The following TRAPPC8 variants were observed in gnomAD, a reference collection of about 807,000 sequenced individuals.
The protein encoded by TRAPPC8 is general sporulation gene 1 homolog.
Under a neutral mutation model 174.3 loss-of-function variants are expected in TRAPPC8, and 54 were observed. That is an observed-to-expected ratio of 0.31 (90% CI 0.25 to 0.39). The LOEUF is 0.39. Among genes scored for constraint, TRAPPC8 ranks in the 10% least tolerant of loss-of-function variants. The probability of loss-of-function intolerance (pLI) is 1.00; values close to 1 mark genes in which losing one functional copy is unlikely to be tolerated. For missense variants in TRAPPC8, 1,531 were observed against 1,699.1 expected (o/e 0.90, Z 1.74); for synonymous variants, 630 against 579.9 (o/e 1.09, Z -1.24).
chr18:31,905,187 A>C (rs1257436177), intron 9 of TRAPPC8, among the ~76,000 whole-genome samples: 1 of 152,192 alleles, frequency 6.6e-6, no homozygotes, highest in African/African-American at 2.4e-5. Context: ...TATCTTATCA[A>C]TTAGTTAACA....
chr18:31,928,741 A>C (rs1039744303), intron 2 of TRAPPC8, among the ~76,000 whole-genome samples: 1 of 152,212 alleles, frequency 6.6e-6, no homozygotes, highest in Admixed American at 6.5e-5. Context: ...ACCAGATTAT[A>C]AACTTTAAAG....
chr18:31,858,164 G>A (rs1045697456), intron 19 of TRAPPC8, among the ~76,000 whole-genome samples, 182 bp from the exon 20 acceptor site: 2 of 151,778 alleles, frequency 1.3e-5, no homozygotes, highest in African/African-American at 4.8e-5. Context: ...TGATGAGACA[G>A]AAGAATGTTA....
chr18:31,898,891 T>C (rs1003379468), intron 10 of TRAPPC8, among the ~76,000 whole-genome samples: 12 of 152,218 alleles, frequency 7.9e-5, no homozygotes, highest in African/African-American at 2.7e-4. Context: ...GAATCAAAAA[T>C]ATCACTTGGC....
chr18:31,915,604 T>C (rs1048590814), intron 4 of TRAPPC8, among the ~76,000 whole-genome samples: 1 of 148,322 alleles, frequency 6.7e-6, no homozygotes, highest in African/African-American at 2.5e-5. Context: ...CTACTAAAAA[T>C]ACAAAAATGA....
At chr18:31,899,672 C>T (rs778952761) in intron 10 of TRAPPC8, among the ~76,000 whole-genome samples, 2 of 152,132 alleles carry the variant, frequency 1.3e-5, no homozygotes, top group South Asian at 2.1e-4. Context: ...ATGGGCCTGG[C>T]GCGGTGGCTC....
chr18:31,931,909 G>C (rs1233949158), intron 1 of TRAPPC8, among the ~76,000 whole-genome samples: 1 of 152,182 alleles, frequency 6.6e-6, no homozygotes, highest in African/African-American at 2.4e-5. Flanking sequence ...AAAGGAAAAA[G>C]AAAGGGGAGT....
intron 11 of TRAPPC8, among the ~76,000 whole-genome samples, chr18:31,897,522 C>T (rs142506873): frequency 1.3e-5 from 2 of 151,892 alleles, no homozygotes; most frequent in South Asian, 2.1e-4. Context: ...AAGGACAAAA[C>T]GTAATAAGTC....
intron 23 of TRAPPC8, 34 bp from the exon 24 acceptor site, chr18:31,852,538 A>G: frequency 1.2e-6 from 2 of 1,613,934 alleles, no homozygotes; most frequent in Non-Finnish European, 8.5e-7. Flanking sequence ...TAATCATATC[A>G]TTGGCATAAA....
chr18:31,927,030 T>G lies in TRAPPC8; in HGVS notation c.352+4299A>C, dbSNP rs527672449. 2.0e-5 allele frequency among the ~76,000 whole-genome samples: 3 copies of G among 152,274 alleles called. No individual in the cohort carries two copies. The South Asian group carries it at 6.2e-4, about 32-fold the overall frequency. ...CCGAGGAAAAGACTACAGAAATTGG[T>G]GGGGCAAGGTACAGATCACTGTTGT... On this transcript the variant is annotated intron_variant, in intron 2 of 28. Transcript: ENST00000283351.
At chr18:31,831,583 C>T (rs912183311) in intron 28 of TRAPPC8, among the ~76,000 whole-genome samples, 7 of 151,928 alleles carry the variant, frequency 4.6e-5, no homozygotes, top group African/African-American at 1.7e-4. Flanking sequence ...CTTAGTTAGC[C>T]ATATATAAGT....
intron 24 of TRAPPC8, among the ~76,000 whole-genome samples, chr18:31,851,862 T>G (rs1955589442): frequency 6.6e-6 from 1 of 152,042 alleles, no homozygotes; most frequent in African/African-American, 2.4e-5. Flanking sequence ...AGCTCCCTCA[T>G]ATAATCTTGC....
In TRAPPC8 at chr18:31,910,054, G is replaced by A. The variant is rs140772355; in HGVS notation, c.772-294C>T. On this transcript the variant is annotated intron_variant, in intron 5 of 28. Coordinates refer to ENST00000283351, the MANE Select transcript of TRAPPC8 (RefSeq NM_014939.5). Reference sequence around the variant, plus strand: ...ACTTATATATGATATGTATATACACGAGTGTTCATATAAGCACATACATAT... The same window carrying A: ...ACTTATATATGATATGTATATACACAAGTGTTCATATAAGCACATACATAT... 2.5e-3 allele frequency among the ~76,000 whole-genome samples: 377 copies of A among 152,032 alleles called. 1 individual carries two copies. The highest frequency in any genetic ancestry group is 8.8e-3 in the African/African-American group (364 of 41,436).
intron 2 of TRAPPC8, among the ~76,000 whole-genome samples, chr18:31,925,369 A>T (rs2037568732): frequency 6.6e-6 from 1 of 152,142 alleles, no homozygotes; most frequent in Non-Finnish European, 1.5e-5. Flanking sequence ...AATCTAGAGA[A>T]GAAAATAGCT....
chr18:31,851,311 G>T (rs1029420991), intron 24 of TRAPPC8, among the ~76,000 whole-genome samples: 1 of 152,084 alleles, frequency 6.6e-6, no homozygotes, highest in African/African-American at 2.4e-5. Flanking sequence ...GGTAGGGGAG[G>T]TAAAGCCTGT....
At chr18:31,863,502 A>G (rs2034435132) in intron 19 of TRAPPC8, among the ~76,000 whole-genome samples, 1 of 152,206 alleles carries the variant, frequency 6.6e-6, no homozygotes, top group Admixed American at 6.5e-5. Flanking sequence ...ATAAAAGAAT[A>G]CCATATGTAA....
intron 24 of TRAPPC8, among the ~76,000 whole-genome samples, chr18:31,850,113 G>A (rs190661007): frequency 4.0e-5 from 6 of 151,860 alleles, no homozygotes; most frequent in Non-Finnish European, 7.4e-5. Context: ...CACCACTCCC[G>A]CCTAATTTTT....
intron 25 of TRAPPC8, 91 bp downstream of exon 25, chr18:31,849,474 TA>T: frequency 2.7e-6 from 3 of 1,111,874 alleles, no homozygotes; most frequent in Admixed American, 3.2e-5. Context: ...AAGATAAGCA[TA>T]AAAAATATAA....
At chr18:31,934,683 C>A (rs1283383496) in intron 1 of TRAPPC8, among the ~76,000 whole-genome samples, 1 of 151,980 alleles carries the variant, frequency 6.6e-6, no homozygotes, top group African/African-American at 2.4e-5. Context: ...GCCTGGCCAA[C>A]GTGGTGAAAC....
intron 4 of TRAPPC8, 59 bp from the exon 5 acceptor site, chr18:31,913,581 T>C (rs1027396330): frequency 2.2e-6 from 3 of 1,358,136 alleles, no homozygotes; most frequent in Non-Finnish European, 9.8e-7. Flanking sequence ...TAGGCAATAA[T>C]AGAGACTAAA....
Sources: gnomAD v4.1 joint callset for allele counts (sites outside exome capture counted in the v4.1 genomes callset) on GRCh38, gnomAD v4.1.1 for gene constraint, MANE v1.5 for transcripts, NCBI Gene and HGNC (gene_info 2026-07-23, HGNC 2026-07-21) for gene names.